The following LRRTM4 variants were observed in gnomAD, a reference collection of about 807,000 sequenced individuals.
LRRTM4 encodes the protein leucine-rich repeat transmembrane neuronal protein 4.
LRRTM4 carries 25 observed loss-of-function variants against 47.6 expected under a neutral mutation model. The ratio of observed to expected loss-of-function variants is 0.53; its 90% confidence interval spans 0.38 to 0.73. LRRTM4 has a LOEUF of 0.73. Among genes scored for constraint, LRRTM4 ranks in the 30% least tolerant of loss-of-function variants. The pLI is 0.00. For synonymous variants in LRRTM4, 311 were observed against 269.5 expected, an observed-to-expected ratio of 1.15 and a Z score of -1.51; for missense variants, 638 against 713.4, an observed-to-expected ratio of 0.89 and a Z score of 1.20.
At chr2:77,252,119 G>T (rs1675634361) in intron 3 of LRRTM4, among the ~76,000 whole-genome samples, 1 of 152,132 alleles carries the variant, frequency 6.6e-6, no homozygotes, top group Admixed American at 6.6e-5. Context: ...CAAGACAATA[G>T]TTGGCACCAG....
In LRRTM4 at chr2:76,941,418, G is replaced by GC. The variant is rs540569073; in HGVS notation, c.1552-192503dup. On this transcript the variant is annotated intron_variant, in intron 3 of 3. Coordinates refer to ENST00000409884, the MANE Select transcript of LRRTM4 (RefSeq NM_001134745.3). The stretch of plus-strand genomic sequence containing the variant: ...CCATGGTGGTTTGCTGCACCCATCA[G>GC]CCCGTCATCTACATTAGGTATTTAT... Among the ~76,000 whole-genome samples the GC allele has an allele frequency of 1.4e-4, 21 of 152,072 alleles. 1 individual carries two copies. In the South Asian group the frequency reaches 4.2e-3, roughly 30 times the overall value.
At chr2:76,896,707 T>C (rs1453555306) in intron 3 of LRRTM4, among the ~76,000 whole-genome samples, 1 of 151,454 alleles carries the variant, frequency 6.6e-6, no homozygotes, top group African/African-American at 2.4e-5. Context: ...TAAGAGTCAG[T>C]CTTATTTTTA....
At chr2:77,333,427 C>T (rs1671042389) in intron 3 of LRRTM4, among the ~76,000 whole-genome samples, 1 of 152,162 alleles carries the variant, frequency 6.6e-6, no homozygotes, top group Non-Finnish European at 1.5e-5. Context: ...GAAATCCAGG[C>T]TGATGTGGTC....
intron 3 of LRRTM4, among the ~76,000 whole-genome samples, chr2:77,338,973 A>G (rs902577209): frequency 1.3e-5 from 2 of 152,048 alleles, no homozygotes; most frequent in African/African-American, 4.8e-5. Flanking sequence ...GCTGGAAACC[A>G]TAATCTTAAG....
intron 3 of LRRTM4, among the ~76,000 whole-genome samples, chr2:77,380,599 C>A (rs1263219384): frequency 6.6e-6 from 1 of 151,946 alleles, no homozygotes; most frequent in Non-Finnish European, 1.5e-5. Flanking sequence ...GAGTTCGAGA[C>A]CATCTGGCCA....
chr2:77,476,994 GTGTATGTGTGTA>G, intron 3 of LRRTM4, among the ~76,000 whole-genome samples: 1 of 92,512 alleles, frequency 1.1e-5, no homozygotes, highest in Admixed American at 1.1e-4. Context: ...GTGTGTGTGT[GTGTATGTGTGTA>G]CTTTTATGCC....
At chr2:76,951,545 G>C (rs1429099555) in intron 3 of LRRTM4, among the ~76,000 whole-genome samples, 2 of 151,910 alleles carry the variant, frequency 1.3e-5, no homozygotes, top group African/African-American at 4.8e-5. Flanking sequence ...GTCACAGTAA[G>C]AGAGGTGAAC....
chr2:77,171,688 C>CA (rs1008198447), intron 3 of LRRTM4, among the ~76,000 whole-genome samples: 34 of 150,822 alleles, frequency 2.3e-4, no homozygotes, highest in African/African-American at 8.3e-4. Flanking sequence ...ATATACAAAC[C>CA]AAAAAAAGTT....
At chr2:76,914,197 C>G (rs1347800011) in intron 3 of LRRTM4, among the ~76,000 whole-genome samples, 2 of 151,850 alleles carry the variant, frequency 1.3e-5, no homozygotes, top group East Asian at 3.8e-4. Context: ...TGATATTCCC[C>G]TAAAGCTCCG....
intron 3 of LRRTM4, among the ~76,000 whole-genome samples, chr2:76,778,850 G>A (rs1337009609): frequency 6.6e-6 from 1 of 151,498 alleles, no homozygotes; most frequent in Admixed American, 6.6e-5. Flanking sequence ...TAATTGTGAT[G>A]TTAGGGTGTC....
intron 3 of LRRTM4, among the ~76,000 whole-genome samples, chr2:76,789,883 CTTTT>C (rs781697921): frequency 6.6e-6 from 1 of 152,078 alleles, no homozygotes; most frequent in African/African-American, 2.4e-5. Flanking sequence ...CAGCACTCTT[CTTTT>C]TTATCTCTAG....
intron 3 of LRRTM4, among the ~76,000 whole-genome samples, chr2:76,865,167 T>C (rs1425842939): frequency 6.6e-6 from 1 of 152,170 alleles, no homozygotes; most frequent in Non-Finnish European, 1.5e-5. Context: ...TCATTTATCA[T>C]TGTGTGTTTG....
intron 3 of LRRTM4, among the ~76,000 whole-genome samples, chr2:77,331,313 T>A (rs1670965185): frequency 6.6e-6 from 1 of 152,162 alleles, no homozygotes; most frequent in South Asian, 2.1e-4. Context: ...ACATAAAATC[T>A]CCCAGGATTA....
At chr2:77,249,329 G>A (rs1051206673) in intron 3 of LRRTM4, among the ~76,000 whole-genome samples, 4 of 151,902 alleles carry the variant, frequency 2.6e-5, no homozygotes, top group African/African-American at 9.7e-5. Flanking sequence ...CAGCCTGGGT[G>A]ACAATAGCAA....
intron 3 of LRRTM4, among the ~76,000 whole-genome samples, chr2:77,507,851 T>G (rs1678837944): frequency 6.6e-6 from 1 of 151,844 alleles, no homozygotes; most frequent in Admixed American, 6.6e-5. Flanking sequence ...GAAGACAAGG[T>G]GAGCATGGTT....
chr2:77,030,959 A>G (rs141485564), intron 3 of LRRTM4, among the ~76,000 whole-genome samples: 2,098 of 152,306 alleles, frequency 0.014, 38 homozygotes, highest in Non-Finnish European at 0.021. Flanking sequence ...CAATGTGTCA[A>G]TGGCTATTGA....
chr2:77,442,969 G>T (rs1192088560), intron 3 of LRRTM4, among the ~76,000 whole-genome samples: 9 of 152,072 alleles, frequency 5.9e-5, no homozygotes. Flanking sequence ...GTAGGTGCCT[G>T]AAACATAATA....
intron 3 of LRRTM4, among the ~76,000 whole-genome samples, chr2:77,043,165 TG>T (rs1440035384): frequency 1.3e-5 from 2 of 151,782 alleles, no homozygotes; most frequent in Non-Finnish European, 2.9e-5. Flanking sequence ...TCATTGTTAT[TG>T]CTGTATAAGT....
chr2:77,414,604 T>G (rs1050723996), intron 3 of LRRTM4, among the ~76,000 whole-genome samples: 3 of 152,216 alleles, frequency 2.0e-5, no homozygotes, highest in Non-Finnish European at 4.4e-5. Context: ...TTGCCATCAG[T>G]AACGGATGTG....
Sources: allele counts gnomAD v4.1 joint callset (sites outside exome capture counted in the v4.1 genomes callset), GRCh38; gene constraint gnomAD v4.1.1; transcripts MANE v1.5; gene names NCBI Gene and HGNC (gene_info 2026-07-23, HGNC 2026-07-21).